Variants in CDH12 observed in about 807,000 individuals in gnomAD.
CDH12 encodes the protein cadherin 12.
A neutral mutation model predicts 74.1 loss-of-function variants in CDH12; 41 were observed. The observed-to-expected ratio is 0.55, with a 90% CI of 0.43 to 0.72. The LOEUF (loss-of-function observed/expected upper bound fraction) is 0.72. Among genes scored for constraint, CDH12 ranks in the 30% least tolerant of loss-of-function variants. CDH12 has a pLI of 0.00. For missense variants in CDH12, 945 were observed against 977.2 expected (o/e 0.97, Z 0.44); for synonymous variants, 399 against 355.0 (o/e 1.12, Z -1.39).
intron 1 of CDH12, among the ~76,000 whole-genome samples, chr5:22,588,560 C>A (rs1229286207): frequency 2.6e-5 from 4 of 152,150 alleles, no homozygotes; most frequent in African/African-American, 9.6e-5. Context: ...TGAGTAATAT[C>A]CGTACAATAA....
chr5:22,264,171 A>C (rs529606272), intron 3 of CDH12, among the ~76,000 whole-genome samples: 1 of 151,974 alleles, frequency 6.6e-6, no homozygotes, highest in Non-Finnish European at 1.5e-5. Flanking sequence ...AGACAAAAAT[A>C]TATGAACTTA....
chr5:21,926,181 T>C (rs1374227084), intron 6 of CDH12, among the ~76,000 whole-genome samples: 1 of 152,176 alleles, frequency 6.6e-6, no homozygotes, highest in Non-Finnish European at 1.5e-5. Flanking sequence ...AGACCATAAC[T>C]GAGAAATGCA....
At chr5:21,840,428 TA>T (rs1749772786) in intron 8 of CDH12, among the ~76,000 whole-genome samples, 1 of 130,398 alleles carries the variant, frequency 7.7e-6, no homozygotes, top group African/African-American at 4.2e-5. Flanking sequence ...TGAAGATTTG[TA>T]ATTTTTTTTT....
intron 2 of CDH12, among the ~76,000 whole-genome samples, chr5:22,486,212 A>T (rs1746586732): frequency 6.6e-6 from 1 of 152,138 alleles, no homozygotes; most frequent in South Asian, 2.1e-4. Flanking sequence ...ACATAGTTCT[A>T]GTTATAGTCT....
chr5:22,430,632 A>G (rs1744130670), intron 2 of CDH12, among the ~76,000 whole-genome samples: 1 of 152,236 alleles, frequency 6.6e-6, no homozygotes, highest in East Asian at 1.9e-4. Context: ...ATTCCCTGGC[A>G]TATGCTAACT....
chr5:22,214,372 AACC>A (rs1308912786), intron 3 of CDH12, among the ~76,000 whole-genome samples: 22 of 152,302 alleles, frequency 1.4e-4, no homozygotes, highest in African/African-American at 5.1e-4. Flanking sequence ...TAAAGCAGGA[AACC>A]CATTATCCAA....
At chr5:22,772,951 G>A (rs1746888540) in intron 1 of CDH12, among the ~76,000 whole-genome samples, 1 of 151,926 alleles carries the variant, frequency 6.6e-6, no homozygotes, top group African/African-American at 2.4e-5. Context: ...GAACCAAGGA[G>A]GTGAAAGATC....
chr5:22,733,439 CTT>C (rs76609709), intron 1 of CDH12, among the ~76,000 whole-genome samples: 19 of 142,392 alleles, frequency 1.3e-4, no homozygotes, highest in African/African-American at 1.5e-4. Flanking sequence ...CTTTGTGAAT[CTT>C]TTTTTTTTTT....
chr5:22,764,503 A>C (rs1184654791), intron 1 of CDH12, among the ~76,000 whole-genome samples: 2 of 152,040 alleles, frequency 1.3e-5, no homozygotes, highest in Non-Finnish European at 2.9e-5. Flanking sequence ...AATCATAAAT[A>C]TGCACAATGA....
chr5:22,216,687 T>G (rs1375684268), intron 3 of CDH12, among the ~76,000 whole-genome samples: 3 of 151,900 alleles, frequency 2.0e-5, no homozygotes, highest in Non-Finnish European at 4.4e-5. Context: ...GCTGAATGAC[T>G]AAACTCACCA....
chr5:22,545,149 T>C (rs1738260874), intron 1 of CDH12, among the ~76,000 whole-genome samples: 1 of 152,180 alleles, frequency 6.6e-6, no homozygotes, highest in African/African-American at 2.4e-5. Flanking sequence ...TAAACCTGAA[T>C]TTATTATGTT....
chr5:22,124,701 T>A (rs1246932589), intron 4 of CDH12, among the ~76,000 whole-genome samples: 2 of 152,252 alleles, frequency 1.3e-5, no homozygotes, highest in Admixed American at 6.5e-5. Context: ...ACTCTATTAA[T>A]CTTCTTAAAT....
At chr5:21,927,308 G>A (rs374576137) in intron 6 of CDH12, among the ~76,000 whole-genome samples, 7 of 152,052 alleles carry the variant, frequency 4.6e-5, no homozygotes, top group Admixed American at 6.6e-5. Flanking sequence ...AAATCAGGCC[G>A]GGCACGGTGG....
intron 3 of CDH12, among the ~76,000 whole-genome samples, chr5:22,339,750 G>T (rs966796112): frequency 6.6e-6 from 1 of 152,098 alleles, no homozygotes; most frequent in African/African-American, 2.4e-5. Context: ...GCCTTTAGCA[G>T]GTCTTTGAAA....
At chr5:21,929,435 A>G (rs1481405276) in intron 6 of CDH12, among the ~76,000 whole-genome samples, 1 of 151,704 alleles carries the variant, frequency 6.6e-6, no homozygotes, top group Non-Finnish European at 1.5e-5. Flanking sequence ...TGTACAGCCT[A>G]GATCCCTGGC....
At chr5:21,829,959 G>T (rs556342064) in intron 8 of CDH12, among the ~76,000 whole-genome samples, 1 of 152,018 alleles carries the variant, frequency 6.6e-6, no homozygotes, top group African/African-American at 2.4e-5. Flanking sequence ...AGCACTTTGG[G>T]AGGCCGAGGC....
chr5:22,799,657 C>T (rs1748409260), intron 1 of CDH12, among the ~76,000 whole-genome samples: 1 of 152,098 alleles, frequency 6.6e-6, no homozygotes, highest in Non-Finnish European at 1.5e-5. Flanking sequence ...TTATTGAAAT[C>T]TCCAAAAGGC....
chr5:22,267,487 A>C, intron 3 of CDH12, among the ~76,000 whole-genome samples: 1 of 152,288 alleles, frequency 6.6e-6, no homozygotes, highest in Admixed American at 6.5e-5. Flanking sequence ...AGGATTACAT[A>C]ATATCTCATT....
intron 4 of CDH12, among the ~76,000 whole-genome samples, chr5:22,085,007 C>A (rs907038704): frequency 3.9e-5 from 6 of 152,140 alleles, no homozygotes; most frequent in African/African-American, 9.7e-5. Context: ...CTACAAAGGA[C>A]ATCACCAGAA....
Sources: gnomAD v4.1 joint callset for allele counts (sites outside exome capture counted in the v4.1 genomes callset) on GRCh38, gnomAD v4.1.1 for gene constraint, MANE v1.5 for transcripts, NCBI Gene and HGNC (gene_info 2026-07-23, HGNC 2026-07-21) for gene names.